ENPP3: variants seen among roughly 807,000 people sequenced by gnomAD.
The protein encoded by ENPP3 is ectonucleotide pyrophosphatase/phosphodiesterase family member 3.
Under a neutral mutation model 117.8 loss-of-function variants are expected in ENPP3, and 104 were observed. The ratio of observed to expected loss-of-function variants is 0.88; its 90% CI spans 0.75 to 1.04. The LOEUF is 1.04. ENPP3 is among the 50% of genes least tolerant of loss of function. The pLI is 0.00. For synonymous variants in ENPP3, 380 were observed against 349.9 expected (o/e 1.09, Z -0.96); for missense variants, 1,026 against 1,051.9 (o/e 0.98, Z 0.34).
intron 20 of ENPP3, among the ~76,000 whole-genome samples, chr6:131,727,681 A>G (rs1363507475): frequency 6.6e-6 from 1 of 152,142 alleles, no homozygotes; most frequent in East Asian, 1.9e-4. Context: ...ATTGTCCAGT[A>G]AGTGCTTATT....
intron 22 of ENPP3, 70 bp downstream of exon 22, chr6:131,737,502 T>A (rs1265477850): frequency 2.3e-6 from 2 of 879,710 alleles, no homozygotes; most frequent in African/African-American, 3.4e-5. Flanking sequence ...ACTAAACACA[T>A]ATTTTTTTAA....
chr6:131,682,219 C>A (rs909646892), intron 11 of ENPP3, among the ~76,000 whole-genome samples: 3 of 152,006 alleles, frequency 2.0e-5, no homozygotes, highest in Admixed American at 6.6e-5. Context: ...TGTGGCCAAG[C>A]GTGTCAGCTC....
chr6:131,731,448 G>A (rs541891904), intron 20 of ENPP3, among the ~76,000 whole-genome samples: 10 of 152,246 alleles, frequency 6.6e-5, no homozygotes, highest in African/African-American at 2.4e-4. Flanking sequence ...CAATTTTCAG[G>A]CTAAATGGGC....
Position 131,650,100 on chromosome 6 carries a change from A to T in ENPP3, c.228A>T (p.Lys76Asn). 6.2e-7 allele frequency: 1 copy of T among 1,614,148 alleles called. No individual in the cohort carries two copies. Among genetic ancestry groups the T allele is most frequent in the Non-Finnish European group, 8.5e-7 (1 of 1,179,996 alleles). The stretch of plus-strand genomic sequence containing the variant: ...ACTGCCGGTGTGATGTGGCATGTAA[A>T]GACCGAGGTGATTGCTGCTGGGATT... ...LENCRCDVAC[K>N]DRGDCCWDFE... is the part of the protein sequence containing the mutation. Residue 76 changes from lysine (K) to asparagine (N), a missense_variant, in exon 3 of 25, where the codon AAA becomes AAT. Coordinates refer to ENST00000357639, the MANE Select transcript of ENPP3 (RefSeq NM_005021.5).
chr6:131,657,010 A>T (rs988189759), intron 5 of ENPP3, among the ~76,000 whole-genome samples: 39 of 152,262 alleles, frequency 2.6e-4, no homozygotes, highest in African/African-American at 9.1e-4. Flanking sequence ...AGTTATTTTA[A>T]TGGCATATTT....
In ENPP3 at chr6:131,747,305, A is replaced by G. The variant is rs1460157680; in HGVS notation, c.*349A>G. 6.5e-6 allele frequency: 1 copy of G among 154,972 alleles called. No individual in the cohort carries two copies. The highest frequency in any genetic ancestry group is 2.4e-5 in the African/African-American group (1 of 41,558). The allele number at this position is 154,972 out of a possible 1,614,324, so 9.6% of individuals were successfully genotyped here. A position where few individuals can be genotyped will look rare whatever the true frequency, so the allele number is the denominator to read the frequency against. On this transcript the variant is annotated 3_prime_UTR_variant, in exon 25 of 25. Transcript: ENST00000357639. ...CAGAATTATCTAAACAAAAGGGAGA[A>G]CAAAAGAAGTATGTCTCACTTGGGA...
At chr6:131,693,161 T>C (rs547936520) in intron 14 of ENPP3, among the ~76,000 whole-genome samples, 8 of 149,132 alleles carry the variant, frequency 5.4e-5, no homozygotes, top group African/African-American at 2.0e-4. Context: ...ACTGAAAACA[T>C]TAACTCATAA....
chr6:131,663,161 T>A (rs556887082), intron 6 of ENPP3, among the ~76,000 whole-genome samples: 1 of 151,956 alleles, frequency 6.6e-6, no homozygotes, highest in Admixed American at 6.6e-5. Context: ...TTGCCTTTTT[T>A]TTTTTTCTTG....
At chr6:131,652,457 T>C (rs1778282916) in intron 3 of ENPP3, 85 bp from the exon 4 acceptor site, 2 of 1,325,200 alleles carry the variant, frequency 1.5e-6, no homozygotes, top group African/African-American at 3.0e-5. Flanking sequence ...GATTGTGTTA[T>C]TATAATATAG....
intron 14 of ENPP3, among the ~76,000 whole-genome samples, chr6:131,688,187 C>T (rs1235469993): frequency 6.6e-6 from 1 of 152,170 alleles, no homozygotes; most frequent in African/African-American, 2.4e-5. Flanking sequence ...GAATCCTACT[C>T]ATAGAAGATG....
At chr6:131,730,914 CA>C (rs528990087) in intron 20 of ENPP3, among the ~76,000 whole-genome samples, 1,444 of 98,120 alleles carry the variant, frequency 0.015, 10 homozygotes, top group South Asian at 0.044. Context: ...GACTCCATCT[CA>C]AAAAAAAAAA....
intron 6 of ENPP3, among the ~76,000 whole-genome samples, chr6:131,663,524 C>CAAAAA (rs766427836): frequency 0.016 from 1,342 of 83,456 alleles, 46 homozygotes; most frequent in African/African-American, 0.056. Context: ...CTGTCTCTAC[C>CAAAAA]AAAAAAAAAA....
At chr6:131,647,446 T>C (rs1778175128) in intron 2 of ENPP3, among the ~76,000 whole-genome samples, 1 of 152,194 alleles carries the variant, frequency 6.6e-6, no homozygotes, top group Non-Finnish European at 1.5e-5. Context: ...CATAGATCTT[T>C]GTATGTTTCT....
At chr6:131,657,301 C>T (rs1411637826) in intron 5 of ENPP3, among the ~76,000 whole-genome samples, 2 of 152,040 alleles carry the variant, frequency 1.3e-5, no homozygotes, top group Admixed American at 6.6e-5. Context: ...AGAATATTTC[C>T]ACCATCCCAG....
chr6:131,732,048 T>C (rs62424761), intron 20 of ENPP3, among the ~76,000 whole-genome samples: 8,938 of 152,304 alleles, frequency 0.059, 467 homozygotes, highest in Middle Eastern at 0.14. Flanking sequence ...ATACAGTGTA[T>C]GTTGCCTCTT....
intron 15 of ENPP3, among the ~76,000 whole-genome samples, chr6:131,696,913 G>A (rs1356005060): frequency 1.3e-5 from 2 of 152,016 alleles, no homozygotes; most frequent in East Asian, 1.9e-4. Context: ...GGGACTACAG[G>A]CACCCACCAC....
intron 14 of ENPP3, among the ~76,000 whole-genome samples, chr6:131,691,442 A>G (rs1343484688): frequency 6.6e-6 from 1 of 151,988 alleles, no homozygotes; most frequent in East Asian, 1.9e-4. Flanking sequence ...TACAAAAATT[A>G]GCCGGGCATG....
At position 131,685,459 on chromosome 6, in the gene ENPP3, A is replaced by T; in HGVS notation, c.1216A>T (p.Ile406Phe). The change falls in exon 13 of 25, where the codon ATC becomes TTC. Residue 406 changes from isoleucine to phenylalanine, a missense_variant. Coordinates refer to ENST00000357639, the MANE Select transcript of ENPP3 (RefSeq NM_005021.5). ...FYMYEGPAPRIRAHNIPHDFF... is the reference protein window; with the variant it reads ...FYMYEGPAPRFRAHNIPHDFF... The stretch of plus-strand genomic sequence containing the variant: ...CATGTACGAAGGGCCTGCCCCCCGC[A>T]TCCGAGCTCATAATATACCTCATGA... 6.2e-7 allele frequency: 1 copy of T among 1,614,104 alleles called. No homozygotes were observed. The highest frequency in any genetic ancestry group is 8.5e-7 in the Non-Finnish European group (1 of 1,179,970).
chr6:131,658,963 G>T (rs1333004775), intron 6 of ENPP3, among the ~76,000 whole-genome samples: 2 of 152,178 alleles, frequency 1.3e-5, no homozygotes, highest in Non-Finnish European at 2.9e-5. Context: ...TCTGTGAAAT[G>T]GTGACTTCCC....
Sources: allele counts gnomAD v4.1 joint callset (sites outside exome capture counted in the v4.1 genomes callset), GRCh38; gene constraint gnomAD v4.1.1; transcripts MANE v1.5; gene names NCBI Gene and HGNC (gene_info 2026-07-23, HGNC 2026-07-21).